The following CLOCK variants were observed in gnomAD, a reference collection of about 807,000 sequenced individuals.
CLOCK encodes the protein clock circadian regulator.
A neutral mutation model predicts 118.4 loss-of-function variants in CLOCK; 43 were observed. That is an observed-to-expected ratio of 0.36 (90% CI 0.28 to 0.47). The LOEUF (loss-of-function observed/expected upper bound fraction) is 0.47, where lower values mean the gene tolerates loss of function less well. CLOCK is among the 20% of genes least tolerant of loss of function. CLOCK has a pLI of 1.00. For missense variants in CLOCK, 846 were observed against 999.9 expected, an observed-to-expected ratio of 0.85 and a Z score of 2.08; for synonymous variants, 326 against 339.2, an observed-to-expected ratio of 0.96 and a Z score of 0.43.
At chr4:55,521,109 G>T (rs1026329709) in intron 1 of CLOCK, among the ~76,000 whole-genome samples, 1 of 152,074 alleles carries the variant, frequency 6.6e-6, no homozygotes, top group African/African-American at 2.4e-5. Context: ...CAATTTTAAC[G>T]TTGGTAAAAT....
At chr4:55,519,046 A>C (rs1374677377) in intron 1 of CLOCK, among the ~76,000 whole-genome samples, 1 of 152,008 alleles carries the variant, frequency 6.6e-6, no homozygotes, top group African/African-American at 2.4e-5. Context: ...CAAGTCCTGC[A>C]ATTTTATTTT....
At position 55,509,903 on chromosome 4, in the gene CLOCK, A is replaced by T. The variant is rs1188716396; in HGVS notation, c.-136+9T>A. ...CATGATTAAGGGAAAAGAAACAAAG[A>T]TAGCATACCTTTGAGCTCAAAATGA... On this transcript the variant is annotated intron_variant, in intron 2 of 22. Transcript: ENST00000513440. The T allele has an allele frequency of 3.7e-4, 56 of 152,326 alleles. No individual in the cohort carries two copies. The highest frequency in any genetic ancestry group is 4.4e-5 in the Non-Finnish European group (3 of 68,036). The allele number at this position is 152,326 out of a possible 1,614,324, so 9.4% of individuals were successfully genotyped here.
chr4:55,455,630 C>T (rs1404163061), intron 13 of CLOCK, among the ~76,000 whole-genome samples: 2 of 152,128 alleles, frequency 1.3e-5, no homozygotes, highest in African/African-American at 4.8e-5. Context: ...ATCTACTTCT[C>T]TTACTCCAGA....
Position 55,435,146 on chromosome 4 carries a change from A to T in CLOCK, c.*269T>A. On this transcript the variant is annotated 3_prime_UTR_variant, in exon 23 of 23. Transcript: ENST00000513440. ...GCTGAGCTTCTTAATATTTGGCAAT[A>T]TATTCTTTTTCCATCAAAAAATATC... The T allele has an allele frequency of 2.2e-6, 1 of 461,718 alleles. No individual in the cohort carries two copies. Among genetic ancestry groups the T allele is most frequent in the Non-Finnish European group, 4.0e-6 (1 of 248,966 alleles). The allele number at this position is 461,718 out of a possible 1,614,324, so 28.6% of individuals were successfully genotyped here. A position where few individuals can be genotyped will look rare whatever the true frequency, so the allele number is the denominator to read the frequency against.
At chr4:55,508,148 A>C (rs1728926076) in intron 2 of CLOCK, among the ~76,000 whole-genome samples, 1 of 152,100 alleles carries the variant, frequency 6.6e-6, no homozygotes. Flanking sequence ...CTATCCATTG[A>C]CTCCAAAGGG....
Position 55,542,343 on chromosome 4 carries a change from CAAATAATAATAA to C in CLOCK, c.-290+4427_-290+4438del, listed in dbSNP as rs57409792. On this transcript the variant is annotated intron_variant, in intron 1 of 22. Transcript: ENST00000513440. ...CGGGTGACAGAGAGAGACTCTGTCTCAAATAATAATAATAATAATAATAATAATAATAATAAT... is the reference window on the plus strand; with the variant it reads ...CGGGTGACAGAGAGAGACTCTGTCTCTAATAATAATAATAATAATAATAAT... 8.2e-5 allele frequency among the ~76,000 whole-genome samples: 8 copies of C among 97,358 alleles called. 1 individual carries two copies. The highest frequency in any genetic ancestry group is 2.1e-4 in the Admixed American group (2 of 9,552). The allele number at this position is 97,358 out of a possible 152,430, so 63.9% of individuals were successfully genotyped here.
At position 55,428,863 on chromosome 4, in the gene CLOCK, T is replaced by C. The variant is rs749072905; in HGVS notation, c.*6552A>G. The C allele has an allele frequency of 1.3e-5, 2 of 151,468 alleles. No individual in the cohort carries two copies. Among genetic ancestry groups the C allele is most frequent in the Non-Finnish European group, 2.9e-5 (2 of 67,912 alleles). The allele number at this position is 151,468 out of a possible 1,614,324, so 9.4% of individuals were successfully genotyped here. On this transcript the variant is annotated 3_prime_UTR_variant, in exon 23 of 23. Transcript: ENST00000513440. Reference sequence around the variant, plus strand: ...TCATCTTTGGGCTTCAATCTTTACATAGAGTGAATATGAAAATGCCATACT... The same window carrying C: ...TCATCTTTGGGCTTCAATCTTTACACAGAGTGAATATGAAAATGCCATACT...
At chr4:55,463,465 A>AT (rs1398873096) in intron 9 of CLOCK, among the ~76,000 whole-genome samples, 1 of 152,140 alleles carries the variant, frequency 6.6e-6, no homozygotes, top group Non-Finnish European at 1.5e-5. Context: ...AGGATTTATT[A>AT]TAACAAATAA....
intron 15 of CLOCK, among the ~76,000 whole-genome samples, chr4:55,450,800 C>G (rs952389691): frequency 2.6e-5 from 4 of 151,570 alleles, no homozygotes; most frequent in African/African-American, 9.7e-5. Context: ...CAAAATGAAT[C>G]ACAGACCTAA....
At chr4:55,455,563 A>T (rs562345823) in intron 13 of CLOCK, among the ~76,000 whole-genome samples, 1 of 152,304 alleles carries the variant, frequency 6.6e-6, no homozygotes, top group East Asian at 1.9e-4. Context: ...CATGCCTCAA[A>T]ATCAAAATTT....
At position 55,438,161 on chromosome 4, in the gene CLOCK, T is replaced by C; in HGVS notation, c.2361+121A>G. On this transcript the variant is annotated intron_variant, in intron 22 of 22. Transcript: ENST00000513440. ...CAAGCTTTCTATCTTTGTAGAGATT[T>C]AAACTGTACAATAAGCTTTTGTGAA... 3 of 1,274,564 alleles carry C rather than the reference T, an allele frequency of 2.4e-6. No homozygotes were observed. The East Asian group carries it at 7.1e-5, about 30-fold the overall frequency. The allele number at this position is 1,274,564 out of a possible 1,614,324, so 79.0% of individuals were successfully genotyped here. A position where few individuals can be genotyped will look rare whatever the true frequency, so the allele number is the denominator to read the frequency against.
intron 3 of CLOCK, among the ~76,000 whole-genome samples, chr4:55,487,390 T>C (rs1044901998): frequency 7.2e-5 from 11 of 152,206 alleles, no homozygotes; most frequent in Admixed American, 3.9e-4. Context: ...CAGGTTGAAA[T>C]ATTTCTTTGG....
chr4:55,473,388 TC>T (rs1388787080), intron 7 of CLOCK, among the ~76,000 whole-genome samples: 4 of 152,360 alleles, frequency 2.6e-5, no homozygotes, highest in Admixed American at 1.3e-4. Flanking sequence ...TAAAAATTAT[TC>T]ACTTATTTTT....
intron 1 of CLOCK, among the ~76,000 whole-genome samples, chr4:55,534,788 G>T (rs13152173): frequency 0.34 from 51,402 of 151,924 alleles, 9,395 homozygotes; most frequent in East Asian, 0.58. Flanking sequence ...TGAGAAAAAT[G>T]AAAGGCCTAA....
intron 2 of CLOCK, among the ~76,000 whole-genome samples, chr4:55,495,055 A>G (rs920565102): frequency 4.6e-5 from 7 of 152,192 alleles, no homozygotes; most frequent in African/African-American, 7.2e-5. Context: ...CAGTATTTAC[A>G]GCAACCTGCA....
intron 17 of CLOCK, among the ~76,000 whole-genome samples, chr4:55,449,118 T>C (rs1280050656): frequency 1.3e-5 from 2 of 152,006 alleles, no homozygotes; most frequent in East Asian, 3.9e-4. Flanking sequence ...CTTAAGACAA[T>C]TGGTATTTGA....
At chr4:55,483,707 T>G (rs1397231747) in intron 3 of CLOCK, among the ~76,000 whole-genome samples, 1 of 152,204 alleles carries the variant, frequency 6.6e-6, no homozygotes, top group African/African-American at 2.4e-5. Context: ...AGCATTTTCC[T>G]TATGAAAAAC....
At chr4:55,500,131 T>A (rs1215038884) in intron 2 of CLOCK, among the ~76,000 whole-genome samples, 1 of 152,108 alleles carries the variant, frequency 6.6e-6, no homozygotes, top group African/African-American at 2.4e-5. Flanking sequence ...TGCTAACTGC[T>A]GCACTCAACA....
chr4:55,470,640 A>G lies in CLOCK; in HGVS notation c.438+77T>C, dbSNP rs148545278. The G allele has an allele frequency of 3.6e-4, 368 of 1,018,262 alleles. 1 individual carries two copies. In the African/African-American group the frequency reaches 4.5e-3, roughly 13 times the overall value. 63.1% of individuals were successfully genotyped at this position (1,018,262 alleles called of 1,614,324 possible). A position where few individuals can be genotyped will look rare whatever the true frequency, so the allele number is the denominator to read the frequency against. ...AACGACTGTTGTACACTGCTCTCAA[A>G]GTCCACTTCCCAGTGCTTTAGAATA... is the stretch of plus-strand genomic sequence containing the variant. On this transcript the variant is annotated intron_variant, in intron 8 of 22. Coordinates refer to ENST00000513440, the MANE Select transcript of CLOCK (RefSeq NM_004898.4).
Sources: allele counts gnomAD v4.1 joint callset (sites outside exome capture counted in the v4.1 genomes callset), GRCh38; gene constraint gnomAD v4.1.1; transcripts MANE v1.5; gene names NCBI Gene and HGNC (gene_info 2026-07-23, HGNC 2026-07-21).